The following ABI3BP variants were observed in gnomAD, a reference collection of about 807,000 sequenced individuals.
ABI3BP encodes target of Nesh-SH3.
In ABI3BP, 216 loss-of-function variants were observed where a neutral mutation model predicts 268.6. The ratio of observed to expected loss-of-function variants is 0.80; its 90% CI spans 0.72 to 0.90. The LOEUF (loss-of-function observed/expected upper bound fraction) is 0.90. Among genes scored for constraint, ABI3BP ranks in the 40% least tolerant of loss-of-function variants. The pLI is 0.00. For missense variants in ABI3BP, 2,090 were observed against 2,182.4 expected (o/e 0.96, Z 0.84); for synonymous variants, 730 against 730.0 (o/e 1.00, Z 0.00).
At chr3:100,804,251 C>CA (rs2097628647) in intron 51 of ABI3BP, among the ~76,000 whole-genome samples, 1 of 151,878 alleles carries the variant, frequency 6.6e-6, no homozygotes, top group African/African-American at 2.4e-5. Context: ...AGATGATTGG[C>CA]AAAAAACAGA....
intron 48 of ABI3BP, 33 bp downstream of exon 48, chr3:100,811,197 G>A (rs2097853405): frequency 1.3e-6 from 2 of 1,519,620 alleles, no homozygotes. Context: ...TGAAGACAGA[G>A]AGCACCCAGG....
rs1312213546 is a variant in ABI3BP, at chr3:100,846,360, T to C, written c.1723+12A>G. 5.8e-6 allele frequency: 9 copies of C among 1,564,356 alleles called. No individual in the cohort carries two copies. In the African/African-American group the frequency reaches 1.1e-4, roughly 19 times the overall value. ...CACTTTTGGAATATTCAAAAAAGTT[T>C]AGGGTAATTACCAGGTTTGGTGTGT... On this transcript the variant is annotated intron_variant, in intron 20 of 67. Transcript: ENST00000471714.
At chr3:100,777,860 G>T (rs1169090192) in intron 59 of ABI3BP, among the ~76,000 whole-genome samples, 3 of 152,178 alleles carry the variant, frequency 2.0e-5, no homozygotes, top group African/African-American at 7.2e-5. Flanking sequence ...ACCAGGCCTG[G>T]CATGAAGGCT....
intron 22 of ABI3BP, among the ~76,000 whole-genome samples, chr3:100,840,433 T>C (rs957590685): frequency 1.3e-5 from 2 of 152,176 alleles, no homozygotes; most frequent in East Asian, 1.9e-4. Context: ...TTAGAGAAGA[T>C]AGTCACTCAA....
At chr3:100,834,650 A>G in intron 29 of ABI3BP, 34 bp downstream of exon 29, 1 of 1,526,812 alleles carries the variant, frequency 6.5e-7, no homozygotes, top group South Asian at 1.2e-5. Flanking sequence ...ATCCAATGGG[A>G]TGCCACAGGG....
chr3:100,861,937 G>T (rs1297476254), intron 14 of ABI3BP, among the ~76,000 whole-genome samples: 1 of 152,170 alleles, frequency 6.6e-6, no homozygotes, highest in Non-Finnish European at 1.5e-5. Flanking sequence ...TTGCCAAAAA[G>T]AAGCAAATAT....
intron 2 of ABI3BP, among the ~76,000 whole-genome samples, chr3:100,921,402 C>T (rs1311162374): frequency 1.3e-5 from 2 of 152,002 alleles, no homozygotes; most frequent in African/African-American, 4.8e-5. Flanking sequence ...AAGGTCAACG[C>T]TGAGAAAGTT....
At position 100,838,212 on chromosome 3, in the gene ABI3BP, GAT is replaced by G; in HGVS notation, c.2079_2080del (p.Lys693AsnfsTer4). 6.5e-7 allele frequency: 1 copy of G among 1,535,492 alleles called. No homozygotes were observed. Among genetic ancestry groups the G allele is most frequent in the Non-Finnish European group, 8.7e-7 (1 of 1,145,986 alleles). Reference sequence around the variant, plus strand: ...AAAGCACTGGAAATTATGTTTACCGGATTTAGTTGGTGGCATGTCTGGTTCTG... The same window carrying G: ...AAAGCACTGGAAATTATGTTTACCGGTTAGTTGGTGGCATGTCTGGTTCTG... On this transcript the variant is annotated frameshift_variant, in exon 26 of 68. Transcript: ENST00000471714. LOFTEE classifies it high-confidence loss of function.
intron 56 of ABI3BP, 75 bp downstream of exon 56, chr3:100,789,379 G>A: frequency 1.4e-6 from 2 of 1,403,044 alleles, no homozygotes; most frequent in South Asian, 1.2e-5. Context: ...CCCCTTTGGT[G>A]TATTTGGCTA....
At chr3:100,782,093 T>A (rs1174104292) in intron 57 of ABI3BP, among the ~76,000 whole-genome samples, 1 of 152,236 alleles carries the variant, frequency 6.6e-6, no homozygotes, top group South Asian at 2.1e-4. Context: ...CTCTGTCTCT[T>A]GGGTGGCTTG....
At chr3:100,961,514 A>C (rs188649979) in intron 1 of ABI3BP, among the ~76,000 whole-genome samples, 2 of 152,218 alleles carry the variant, frequency 1.3e-5, no homozygotes, top group Non-Finnish European at 2.9e-5. Context: ...GTGAGAACAT[A>C]ATATGGGCAA....
chr3:100,790,420 A>G (rs1194541384), intron 55 of ABI3BP, among the ~76,000 whole-genome samples: 3 of 152,140 alleles, frequency 2.0e-5, no homozygotes, highest in Non-Finnish European at 4.4e-5. Context: ...TAAGTAGATT[A>G]CATCATTTTA....
rs142296759 is a variant in ABI3BP, at chr3:100,824,108, T to C, written c.2747-594A>G. Among the ~76,000 whole-genome samples, 727 of 152,262 alleles carry C rather than the reference T, an allele frequency of 4.8e-3. 2 individuals are homozygous for C. Among genetic ancestry groups the C allele is most frequent in the African/African-American group, 0.017 (686 of 41,562 alleles). ...CTGTCTGCCCTCAGCCCAGAATAAGTGGAAATCAAAGACTTTTGATGTCTC... is the reference window on the plus strand; with the variant it reads ...CTGTCTGCCCTCAGCCCAGAATAAGCGGAAATCAAAGACTTTTGATGTCTC... On this transcript the variant is annotated intron_variant, in intron 36 of 67. Transcript: ENST00000471714.
At chr3:100,862,154 T>C (rs1018726226) in intron 14 of ABI3BP, among the ~76,000 whole-genome samples, 157 bp downstream of exon 14, 1 of 152,206 alleles carries the variant, frequency 6.6e-6, no homozygotes, top group South Asian at 2.1e-4. Context: ...GCTTTTGTAA[T>C]GGGGAAAATG....
At chr3:100,978,623 T>C (rs2087545080) in intron 1 of ABI3BP, among the ~76,000 whole-genome samples, 1 of 152,202 alleles carries the variant, frequency 6.6e-6, no homozygotes. Flanking sequence ...GCCAGCAAGT[T>C]CATCTCAAGA....
At chr3:100,860,391 C>T (rs759277787) in intron 14 of ABI3BP, among the ~76,000 whole-genome samples, 1 of 152,196 alleles carries the variant, frequency 6.6e-6, no homozygotes, top group Non-Finnish European at 1.5e-5. Flanking sequence ...TGGAAGTTCT[C>T]TGGCGACCTA....
At chr3:100,987,679 GATT>G (rs1297547803) in intron 1 of ABI3BP, among the ~76,000 whole-genome samples, 7 of 152,138 alleles carry the variant, frequency 4.6e-5, no homozygotes, top group African/African-American at 1.4e-4. Flanking sequence ...GTCAATTAAA[GATT>G]ATTGTGGAAA....
At chr3:100,920,701 A>T (rs544643040) in intron 2 of ABI3BP, among the ~76,000 whole-genome samples, 12 of 152,336 alleles carry the variant, frequency 7.9e-5, no homozygotes, top group African/African-American at 2.4e-4. Flanking sequence ...GATTACAGGC[A>T]TGAGCCACCA....
In ABI3BP at chr3:100,886,194, A is replaced by G. The variant is rs948731740; in HGVS notation, c.591T>C (p.Asn197=). The G allele has an allele frequency of 1.4e-5, 23 of 1,605,560 alleles. No homozygotes were observed. The highest frequency in any genetic ancestry group is 1.9e-5 in the Non-Finnish European group (22 of 1,175,920). Residue 197 remains asparagine (N), a synonymous_variant, in exon 5 of 68, where the codon AAT becomes AAC. Coordinates refer to ENST00000471714, the MANE Select transcript of ABI3BP (RefSeq NM_001375547.2). ...NTVYEFGVKD[N]VEGGIWSKIF... Reference sequence around the variant, plus strand: ...TCTTACTCCAAATTCCACCTTCCACATTGTCTTTCACTCCAAATTCATAAA... The same window carrying G: ...TCTTACTCCAAATTCCACCTTCCACGTTGTCTTTCACTCCAAATTCATAAA...
Sources: gnomAD v4.1 joint callset for allele counts (sites outside exome capture counted in the v4.1 genomes callset) on GRCh38, gnomAD v4.1.1 for gene constraint, MANE v1.5 for transcripts, NCBI Gene and HGNC (gene_info 2026-07-23, HGNC 2026-07-21) for gene names.